WDR35: variants seen among roughly 807,000 people sequenced by gnomAD.
The protein encoded by WDR35 is WD repeat domain 35.
Under a neutral mutation model 158.3 loss-of-function variants are expected in WDR35, and 118 were observed. The observed-to-expected ratio is 0.75, with a 90% CI of 0.64 to 0.87. WDR35 has a LOEUF of 0.87. Ranked by LOEUF, WDR35 falls within the 40% of genes least tolerant of loss-of-function variation. The pLI is 0.00. For missense variants in WDR35, 1,263 were observed against 1,405.8 expected (o/e 0.90, Z 1.62); for synonymous variants, 448 against 476.1 (o/e 0.94, Z 0.77).
At chr2:19,980,365 G>T (rs1221622497) in intron 4 of WDR35, among the ~76,000 whole-genome samples, 1 of 151,520 alleles carries the variant, frequency 6.6e-6, no homozygotes, top group Non-Finnish European at 1.5e-5. Flanking sequence ...TTATAAACTG[G>T]AACTACCTAG....
rs773672727 is a variant in WDR35 at position 19,911,923 on chromosome 2, G to A, written c.*1635C>T. 5.3e-5 allele frequency: 8 copies of A among 152,184 alleles called. No homozygotes were observed. Among genetic ancestry groups the A allele is most frequent in the Non-Finnish European group, 8.8e-5 (6 of 68,040 alleles). 9.4% of individuals were successfully genotyped at this position (152,184 alleles called of 1,614,324 possible). A position where few individuals can be genotyped will look rare whatever the true frequency, so the allele number is the denominator to read the frequency against. ...AGACTAATAGGCAAGCTATTGCTGT[G>A]GTGAAGTGTACTTGCCCCTGACACC... On this transcript the variant is annotated 3_prime_UTR_variant, in exon 27 of 27. Coordinates refer to ENST00000281405, the MANE Select transcript of WDR35 (RefSeq NM_020779.4).
Position 19,938,340 on chromosome 2 carries a change from CT to C in WDR35, c.1987del (p.Ser663AlafsTer4), listed in dbSNP as rs1234474828. On this transcript the variant is annotated frameshift_variant, in exon 18 of 27. Coordinates refer to ENST00000281405, the MANE Select transcript of WDR35 (RefSeq NM_020779.4). LOFTEE classifies it high-confidence loss of function. ...INFEIRSLRD[S>X]RALIEKVGIK... ...TCCAACCTTCTCAATCAGTGCTCGG[CT>C]ATCTCGCAGAGACCGAATCTCAAAG... 2 of 1,614,048 alleles carry C rather than the reference CT, an allele frequency of 1.2e-6. No individual in the cohort carries two copies. The highest frequency in any genetic ancestry group is 1.7e-6 in the Non-Finnish European group (2 of 1,180,004).
Position 19,945,775 on chromosome 2 carries a change from C to T in WDR35, c.1845+11G>A. The T allele has an allele frequency of 1.9e-6, 3 of 1,613,546 alleles. No homozygotes were observed. Among genetic ancestry groups the T allele is most frequent in the Non-Finnish European group, 2.5e-6 (3 of 1,179,598 alleles). On this transcript the variant is annotated intron_variant, in intron 16 of 26. Coordinates refer to ENST00000281405, the MANE Select transcript of WDR35 (RefSeq NM_020779.4). ...ATTTATAGACTGTTAACACTCATTT[C>T]TTGTTTTTACCTCAGGATCCAAGTT...
intron 10 of WDR35, among the ~76,000 whole-genome samples, chr2:19,965,723 G>GTCT (rs1671828351): frequency 6.6e-6 from 1 of 152,226 alleles, no homozygotes; most frequent in Non-Finnish European, 1.5e-5. Context: ...GTCGTTGTAG[G>GTCT]TGGCAGAAGG....
chr2:19,930,477 T>C lies in WDR35; in HGVS notation c.3040A>G (p.Arg1014Gly), dbSNP rs144930805. ...AAGAAGTGGTAAGCCTCTGCCCCTC[T>C]CCATGCATTATCTGTGAAACGATCT... Reference protein sequence around the residue: ...TTDRFTDNAWRGAEAYHFFIL... With the variant: ...TTDRFTDNAWGGAEAYHFFIL... The change falls in exon 25 of 27, where the codon AGA (arginine) becomes GGA (glycine). Residue 1014 changes from arginine (R) to glycine (G), a missense_variant. Arg to Gly is a moderately radical substitution (Grantham distance 125, BLOSUM62 -2). Coordinates refer to ENST00000281405, the MANE Select transcript of WDR35 (RefSeq NM_020779.4). 1.2e-6 allele frequency: 2 copies of C among 1,614,024 alleles called. No homozygotes were observed. Among genetic ancestry groups the C allele is most frequent in the African/African-American group, 2.7e-5 (2 of 74,922 alleles).
intron 5 of WDR35, among the ~76,000 whole-genome samples, chr2:19,976,122 A>C (rs1419538688): frequency 1.3e-5 from 2 of 152,160 alleles, no homozygotes; most frequent in Non-Finnish European, 2.9e-5. Flanking sequence ...CTACCTTTGC[A>C]AAGATCTCCC....
intron 17 of WDR35, among the ~76,000 whole-genome samples, chr2:19,940,690 G>A (rs1300948753): frequency 6.6e-6 from 1 of 151,934 alleles, no homozygotes; most frequent in African/African-American, 2.4e-5. Context: ...TCTTCCTTTG[G>A]GGCACCAGTG....
At chr2:19,971,805 T>C (rs1672042690) in intron 8 of WDR35, among the ~76,000 whole-genome samples, 1 of 152,220 alleles carries the variant, frequency 6.6e-6, no homozygotes, top group Non-Finnish European at 1.5e-5. Context: ...AGCCAGGATG[T>C]GGCAGCAGCA....
At chr2:19,976,873 G>T (rs553293574) in intron 5 of WDR35, among the ~76,000 whole-genome samples, 3 of 151,542 alleles carry the variant, frequency 2.0e-5, no homozygotes, top group Non-Finnish European at 4.4e-5. Context: ...AGGCTAGAGT[G>T]TAGTGGTAAG....
intron 25 of WDR35, among the ~76,000 whole-genome samples, chr2:19,916,185 G>C (rs1669986118): frequency 6.6e-6 from 1 of 152,196 alleles, no homozygotes; most frequent in African/African-American, 2.4e-5. Flanking sequence ...AGCCATTAGG[G>C]ACTGTACCGT....
At position 19,978,785 on chromosome 2, in the gene WDR35, A is replaced by G. The variant is rs1672291980; in HGVS notation, c.402T>C (p.Tyr134=). Residue 134 remains tyrosine (Y), a synonymous_variant, in exon 5 of 27, where the codon TAT becomes TAC. Coordinates refer to ENST00000281405, the MANE Select transcript of WDR35 (RefSeq NM_020779.4). ...NADGQKICIV[Y]EDGAVIVGSV... is the part of the protein sequence containing the mutation. Reference sequence around the variant, plus strand: ...AACCAACTATCACAGCCCCATCTTCATATACAATGCAGATCTTCTGTCCGT... The same window carrying G: ...AACCAACTATCACAGCCCCATCTTCGTATACAATGCAGATCTTCTGTCCGT... 2.5e-6 allele frequency: 4 copies of G among 1,613,938 alleles called. No homozygotes were observed. The highest frequency in any genetic ancestry group is 3.4e-6 in the Non-Finnish European group (4 of 1,179,886).
chr2:19,952,000 TA>T (rs770530692), intron 12 of WDR35: 4 of 153,942 alleles, frequency 2.6e-5, no homozygotes, highest in Non-Finnish European at 5.8e-5. Context: ...GTCTCTCTAG[TA>T]CCTGTACCTG....
chr2:19,953,657 T>C (rs1004368633), intron 12 of WDR35, among the ~76,000 whole-genome samples, 177 bp downstream of exon 12: 13 of 152,222 alleles, frequency 8.5e-5, no homozygotes, highest in African/African-American at 3.1e-4. Flanking sequence ...ACCATTCTAC[T>C]TCTCTTTTAT....
Position 19,914,095 on chromosome 2 carries a change from A to G in WDR35, c.3304T>C (p.Phe1102Leu). Residue 1102 changes from phenylalanine to leucine, a missense_variant, in exon 26 of 27, where the codon TTC becomes CTC. Coordinates refer to ENST00000281405, the MANE Select transcript of WDR35 (RefSeq NM_020779.4). ...TTATCTTTTGAAGTATGTTTGGTGA[A>G]GATTTCTAAAGCAAGGTCTTCATAC... Reference protein sequence around the residue: ...QQYEDLALEIFTKHTSKDNRK... With the variant: ...QQYEDLALEILTKHTSKDNRK... The G allele has an allele frequency of 6.2e-7, 1 of 1,614,184 alleles. No individual in the cohort carries two copies. The highest frequency in any genetic ancestry group is 1.3e-5 in the African/African-American group (1 of 75,070).
At chr2:19,965,165 C>T (rs185263708) in intron 10 of WDR35, among the ~76,000 whole-genome samples, 14 of 152,254 alleles carry the variant, frequency 9.2e-5, no homozygotes, top group Middle Eastern at 3.4e-3. Flanking sequence ...TCAGGTAATC[C>T]GCCCGCCTTG....
In WDR35 at chr2:19,982,530, A is replaced by G. The variant is rs1672416502; in HGVS notation, c.147T>C (p.Asp49=). 5.0e-6 allele frequency: 8 copies of G among 1,613,558 alleles called. No homozygotes were observed. Among genetic ancestry groups the G allele is most frequent in the South Asian group, 3.3e-5 (3 of 90,994 alleles). ...GGGCTGCAAGGCCCCTCAATTTTGC[A>G]TCATCTAAAACAAAACAAAACAAAC... ...KVLKLETQTD[D]AKLRGLAAPS... Residue 49 remains aspartate (D), a synonymous_variant, in exon 3 of 27, where the codon GAT becomes GAC. Coordinates refer to ENST00000281405, the MANE Select transcript of WDR35 (RefSeq NM_020779.4).
At chr2:19,987,921 T>C in intron 2 of WDR35, among the ~76,000 whole-genome samples, 1 of 151,424 alleles carries the variant, frequency 6.6e-6, no homozygotes, top group South Asian at 2.1e-4. Context: ...TATATATATC[T>C]ATATACACAT....
intron 16 of WDR35, among the ~76,000 whole-genome samples, chr2:19,944,039 T>TC (rs1177110052): frequency 6.4e-4 from 98 of 152,172 alleles, no homozygotes; most frequent in African/African-American, 2.1e-3. Flanking sequence ...TTAAATATAA[T>TC]AGTATGTAAA....
intron 10 of WDR35, among the ~76,000 whole-genome samples, chr2:19,965,541 T>C (rs1221765933): frequency 6.6e-6 from 1 of 152,184 alleles, no homozygotes; most frequent in Admixed American, 6.5e-5. Flanking sequence ...CAAAGCTCAA[T>C]GCTTGGCTGC....
Sources: allele counts gnomAD v4.1 joint callset (sites outside exome capture counted in the v4.1 genomes callset), GRCh38; gene constraint gnomAD v4.1.1; transcripts MANE v1.5; gene names NCBI Gene and HGNC (gene_info 2026-07-23, HGNC 2026-07-21).